The following BCL2L14 variants were observed in gnomAD, a reference collection of about 807,000 sequenced individuals.
BCL2L14 encodes the protein apoptosis facilitator Bcl-2-like protein 14.
BCL2L14 carries 27 observed loss-of-function variants against 35.3 expected under a neutral mutation model. The observed-to-expected ratio is 0.76, with a 90% confidence interval of 0.56 to 1.05. The LOEUF (loss-of-function observed/expected upper bound fraction) is 1.05, where lower values mean the gene tolerates loss of function less well. BCL2L14 is among the 50% of genes least tolerant of loss of function. The probability of loss-of-function intolerance (pLI) is 0.00; values close to 1 mark genes in which losing one functional copy is unlikely to be tolerated. For synonymous variants in BCL2L14, 139 were observed against 145.9 expected (o/e 0.95, Z 0.34); for missense variants, 377 against 382.6 (o/e 0.99, Z 0.12).
At chr12:12,087,894 A>G (rs1364378163) in intron 3 of BCL2L14, among the ~76,000 whole-genome samples, 1 of 152,216 alleles carries the variant, frequency 6.6e-6, no homozygotes, top group East Asian at 1.9e-4. Context: ...CCATAGCAAT[A>G]GCTGAGACTG....
At chr12:12,050,959 C>A (rs1591796893) in intron 1 of BCL2L14, among the ~76,000 whole-genome samples, 2 of 152,062 alleles carry the variant, frequency 1.3e-5, no homozygotes, top group Non-Finnish European at 2.9e-5. Context: ...AGATTTAGGA[C>A]CTTTTGGCGG....
intron 5 of BCL2L14, among the ~76,000 whole-genome samples, chr12:12,097,485 C>G (rs558471547): frequency 6.6e-6 from 1 of 152,208 alleles, no homozygotes; most frequent in Admixed American, 6.5e-5. Context: ...CCAGAATAGG[C>G]AAATGTATAG....
chr12:12,074,340 G>C (rs901139594), intron 1 of BCL2L14, among the ~76,000 whole-genome samples: 4 of 152,134 alleles, frequency 2.6e-5, no homozygotes, highest in Admixed American at 1.3e-4. Context: ...TAGGTGCTGG[G>C]GAAGCCAGCC....
intron 2 of BCL2L14, among the ~76,000 whole-genome samples, chr12:12,085,527 C>G (rs1055790491): frequency 6.6e-6 from 1 of 152,218 alleles, no homozygotes; most frequent in Non-Finnish European, 1.5e-5. Flanking sequence ...GACATTGATC[C>G]TTTTCTTCTT....
rs1949382394 is a variant in BCL2L14 at position 12,099,399 on chromosome 12, T to C, written c.*411T>C. The stretch of plus-strand genomic sequence containing the variant: ...CTTCCGTTTCTAGTACTATTTATTT[T>C]TAAACTACACTTGGGGTGGCCTAAT... On this transcript the variant is annotated 3_prime_UTR_variant, in exon 6 of 6. Coordinates refer to ENST00000308721, the MANE Select transcript of BCL2L14 (RefSeq NM_138723.2). The C allele has an allele frequency of 5.7e-6, 1 of 175,322 alleles. No homozygotes were observed. Among genetic ancestry groups the C allele is most frequent in the Non-Finnish European group, 1.2e-5 (1 of 84,354 alleles). The allele number at this position is 175,322 out of a possible 1,614,324, so 10.9% of individuals were successfully genotyped here.
chr12:12,095,790 G>A (rs1450316928), intron 5 of BCL2L14: 3 of 985,390 alleles, frequency 3.0e-6, no homozygotes, highest in Middle Eastern at 5.2e-4. Flanking sequence ...GGAAAGTGCA[G>A]CTGATCTTGC....
upstream of BCL2L14, chr12:12,068,165 A>C (rs1948616221): frequency 5.0e-6 from 2 of 398,512 alleles, no homozygotes; most frequent in Non-Finnish European, 4.4e-6. Context: ...GGCTGGTTTC[A>C]AACTCCAGGA....
intron 5 of BCL2L14, among the ~76,000 whole-genome samples, chr12:12,098,121 A>T (rs1949355497): frequency 6.6e-6 from 1 of 152,172 alleles, no homozygotes. Flanking sequence ...TGTGAAGGAC[A>T]TGTGGATTGG....
At chr12:12,057,793 T>C (rs1438778692) in intron 2 of BCL2L14, among the ~76,000 whole-genome samples, 1 of 145,998 alleles carries the variant, frequency 6.8e-6, no homozygotes, top group Non-Finnish European at 1.5e-5. Context: ...ATCAACAAAC[T>C]GGGCTGCATC....
In BCL2L14 at chr12:12,050,448, AAGAAAAGAAAAG is replaced by A. The variant is rs1948334469; in HGVS notation, c.-324+496_-324+507del. 5.1e-5 allele frequency among the ~76,000 whole-genome samples: 3 copies of A among 59,382 alleles called. No individual in the cohort carries two copies. In the South Asian group the frequency reaches 1.6e-3, roughly 32 times the overall value. 39.0% of individuals were successfully genotyped at this position (59,382 alleles called of 152,430 possible). ...ACACCATCTCAAAAAAAAAAAAAAA[AAGAAAAGAAAAG>A]AAAAGAAGAAACAAAGAGCCTCAAA... On this transcript the variant is annotated intron_variant, in intron 1 of 3. Coordinates refer to the BCL2L14 transcript ENST00000461264.
At chr12:12,061,274 C>G (rs928657953) in intron 2 of BCL2L14, among the ~76,000 whole-genome samples, 1 of 151,820 alleles carries the variant, frequency 6.6e-6, no homozygotes, top group South Asian at 2.1e-4. Context: ...CCCACCTTAA[C>G]CCACAAGTAT....
intron 1 of BCL2L14, 77 bp from the exon 2 acceptor site, chr12:12,079,222 T>C: frequency 1.6e-6 from 2 of 1,242,002 alleles, no homozygotes; most frequent in Non-Finnish European, 2.3e-6. Context: ...TCCTGAGTTT[T>C]CACCCCTGTC....
chr12:12,095,660 A>G (rs185393608), intron 5 of BCL2L14: 1 of 985,238 alleles, frequency 1.0e-6, no homozygotes, highest in African/African-American at 1.7e-5. Flanking sequence ...ATCCCACATT[A>G]TCCTTAGTTC....
chr12:12,052,405 C>A (rs931007225), intron 2 of BCL2L14, among the ~76,000 whole-genome samples: 1 of 152,198 alleles, frequency 6.6e-6, no homozygotes, highest in Non-Finnish European at 1.5e-5. Flanking sequence ...CTGGTAACCA[C>A]CATTGTACTC....
chr12:12,068,662 T>TAA (rs5796483), upstream of BCL2L14, among the ~76,000 whole-genome samples: 1,416 of 146,820 alleles, frequency 9.6e-3, 19 homozygotes, highest in Middle Eastern at 0.014. Flanking sequence ...CCTGGCTAAT[T>TAA]AAAAAAAAAA....
At chr12:12,093,473 CAAT>C (rs1208889779) in intron 4 of BCL2L14, among the ~76,000 whole-genome samples, 1 of 151,766 alleles carries the variant, frequency 6.6e-6, no homozygotes, top group Non-Finnish European at 1.5e-5. Flanking sequence ...CCCTAAAAAA[CAAT>C]AATAATAAAA....
intron 1 of BCL2L14, among the ~76,000 whole-genome samples, chr12:12,076,671 C>T (rs906381565): frequency 1.3e-5 from 2 of 152,190 alleles, no homozygotes; most frequent in African/African-American, 4.8e-5. Context: ...CCCAGGCTCA[C>T]TTCCATCAGA....
chr12:12,079,596 T>C lies in BCL2L14; in HGVS notation c.291T>C (p.Phe97=). 6.2e-7 allele frequency: 1 copy of C among 1,614,186 alleles called. No individual in the cohort carries two copies. Among genetic ancestry groups the C allele is most frequent in the Non-Finnish European group, 8.5e-7 (1 of 1,180,040 alleles). The part of the protein sequence containing the change: ...GKKKSSWKAF[F]GVVEKEDSQS... ...AAAAGTCTTCTTGGAAAGCATTCTT[T>C]GGAGTAGTGGAGAAGGAAGATTCGC... The change falls in exon 2 of 6, where the codon TTT becomes TTC. Residue 97 remains phenylalanine (F), a synonymous_variant. Coordinates refer to ENST00000308721, the MANE Select transcript of BCL2L14 (RefSeq NM_138723.2).
At chr12:12,071,938 G>GACA (rs1948676391) in intron 1 of BCL2L14, 1 of 153,026 alleles carries the variant, frequency 6.5e-6, no homozygotes, top group Admixed American at 6.5e-5. Context: ...GGAGGCTCCG[G>GACA]ACAACAGAAC....
Sources: allele counts gnomAD v4.1 joint callset (sites outside exome capture counted in the v4.1 genomes callset), GRCh38; gene constraint gnomAD v4.1.1; transcripts MANE v1.5; gene names NCBI Gene and HGNC (gene_info 2026-07-23, HGNC 2026-07-21).